The following BPTF variants were observed in gnomAD, a reference collection of about 807,000 sequenced individuals.
BPTF encodes nucleosome-remodeling factor subunit BPTF.
BPTF carries 18 observed loss-of-function variants against 292.5 expected under a neutral mutation model. The ratio of observed to expected loss-of-function variants is 0.06; its 90% CI spans 0.04 to 0.09. The LOEUF is 0.09. Ranked by LOEUF, BPTF falls within the 10% of genes least tolerant of loss-of-function variation. BPTF has a pLI of 1.00. For missense variants in BPTF, 2,726 were observed against 3,498.7 expected, an observed-to-expected ratio of 0.78 and a Z score of 5.57; for synonymous variants, 1,225 against 1,251.9, an observed-to-expected ratio of 0.98 and a Z score of 0.45.
At chr17:67,891,820 C>A (rs371490653) in intron 4 of BPTF, 24 bp from the exon 5 acceptor site, 17 of 1,532,120 alleles carry the variant, frequency 1.1e-5, no homozygotes, top group Non-Finnish European at 1.5e-5. Context: ...TCAGCAATTG[C>A]TTTGTGGCCT....
At position 67,825,789 on chromosome 17, in the gene BPTF, C is replaced by A; in HGVS notation, c.65C>A (p.Pro22Gln). The A allele has an allele frequency of 9.6e-7, 1 of 1,037,264 alleles. No homozygotes were observed. The highest frequency in any genetic ancestry group is 1.2e-6 in the Non-Finnish European group (1 of 865,592). 64.3% of individuals were successfully genotyped at this position (1,037,264 alleles called of 1,614,324 possible). ...PAAPAAERCA[P>Q]APPPPPPPPT... The stretch of plus-strand genomic sequence containing the variant: ...GCTCCCGCTGCGGAGCGCTGCGCCC[C>A]GGCCCCGCCGCCACCGCCGCCGCCG... Residue 22 changes from proline to glutamine, a missense_variant, in exon 1 of 28, where the codon CCG becomes CAG. Pro to Gln is a moderately conservative substitution (Grantham distance 76, BLOSUM62 -1). Transcript: ENST00000306378.
chr17:67,896,043 A>T (rs888611731), intron 7 of BPTF, among the ~76,000 whole-genome samples: 1 of 146,584 alleles, frequency 6.8e-6, no homozygotes, highest in Non-Finnish European at 1.5e-5. Context: ...GGCTCACTGC[A>T]GCTCCGCCTC....
intron 26 of BPTF, among the ~76,000 whole-genome samples, chr17:67,967,487 A>G (rs12938247): frequency 0.88 from 134,029 of 151,898 alleles, 61,570 homozygotes; most frequent in East Asian, 1. Flanking sequence ...CTTAGGATTT[A>G]CATGTGCACA....
chr17:67,958,810 C>CA (rs1388749950), intron 23 of BPTF, among the ~76,000 whole-genome samples: 1 of 148,770 alleles, frequency 6.7e-6, no homozygotes, highest in Middle Eastern at 3.4e-3. Context: ...ACTAAAAATA[C>CA]AAAAAAATTA....
intron 26 of BPTF, among the ~76,000 whole-genome samples, chr17:67,967,995 G>C (rs1555688484): frequency 6.6e-6 from 1 of 151,092 alleles, no homozygotes; most frequent in Non-Finnish European, 1.5e-5. Context: ...TTTTCTGAAG[G>C]AGAGTAAATT....
At chr17:67,866,837 T>C in intron 3 of BPTF, 150 bp downstream of exon 3, 1 of 652,240 alleles carries the variant, frequency 1.5e-6, no homozygotes, top group Non-Finnish European at 2.7e-6. Context: ...AATGTGTCAT[T>C]TGACAATGTC....
Position 67,893,993 on chromosome 17 carries a change from A to G in BPTF, c.2412-41A>G, listed in dbSNP as rs755698091. The G allele has an allele frequency of 8.7e-6, 14 of 1,602,138 alleles. No individual in the cohort carries two copies. In the East Asian group the frequency reaches 2.9e-4, roughly 33 times the overall value. On this transcript the variant is annotated intron_variant, in intron 6 of 27. Transcript: ENST00000306378. ...ACTATTGTGCTTTTAATTTAAGGTC[A>G]ACCTAGTGAAATAATTTCTCTCATT... is the stretch of plus-strand genomic sequence containing the variant.
At position 67,825,697 on chromosome 17, in the gene BPTF, T is replaced by C. The variant is rs1431834063; in HGVS notation, c.-28T>C. The C allele has an allele frequency of 1.1e-6, 1 of 921,198 alleles. No homozygotes were observed. The highest frequency in any genetic ancestry group is 1.3e-6 in the Non-Finnish European group (1 of 762,118). 57.1% of individuals were successfully genotyped at this position (921,198 alleles called of 1,614,324 possible). On this transcript the variant is annotated 5_prime_UTR_variant, in exon 1 of 28. Coordinates refer to ENST00000306378, the MANE Select transcript of BPTF (RefSeq NM_182641.4). ...CTGCGCCCGCCCCTCCCCCTTCGCTTTCCTTCTCCCCCCGCCTCGGCTCCG... is the reference window on the plus strand; with the variant it reads ...CTGCGCCCGCCCCTCCCCCTTCGCTCTCCTTCTCCCCCCGCCTCGGCTCCG...
rs1264156858 is a variant in BPTF at position 67,913,068 on chromosome 17, A to G, written c.5184A>G (p.Leu1728=). The change falls in exon 11 of 28, where the codon TTA becomes TTG. Residue 1728 remains leucine, a synonymous_variant. Transcript: ENST00000306378. The part of the protein sequence containing the change: ...KSIFVLPNDD[L]KKLARKGGIR... ...TTTTTGTTTTGCCTAATGATGACTT[A>G]AAAAAGTTGGCCCGAAAAGGAGGAA... 6.2e-7 allele frequency: 1 copy of G among 1,614,082 alleles called. No individual in the cohort carries two copies. Among genetic ancestry groups the G allele is most frequent in the Non-Finnish European group, 8.5e-7 (1 of 1,180,044 alleles).
chr17:67,978,305 T>TG (rs2069812172), intron 27 of BPTF, among the ~76,000 whole-genome samples: 2 of 46,706 alleles, frequency 4.3e-5, no homozygotes, highest in Non-Finnish European at 1.6e-4. Flanking sequence ...TATATATATA[T>TG]ATATTTTTTT....
chr17:67,887,808 C>G (rs1186954419), intron 4 of BPTF, among the ~76,000 whole-genome samples: 7 of 152,192 alleles, frequency 4.6e-5, no homozygotes, highest in Non-Finnish European at 8.8e-5. Flanking sequence ...TAACCTCATT[C>G]TCTCCCAGTA....
chr17:67,931,560 G>A (rs1471099899), intron 17 of BPTF, among the ~76,000 whole-genome samples: 1 of 152,158 alleles, frequency 6.6e-6, no homozygotes, highest in Admixed American at 6.6e-5. Flanking sequence ...TATTCTGTGG[G>A]TTACAGGTAT....
At chr17:67,964,472 G>C (rs1480847935) in intron 25 of BPTF, 68 bp downstream of exon 25, 1 of 1,488,732 alleles carries the variant, frequency 6.7e-7, no homozygotes, top group African/African-American at 1.4e-5. Context: ...GCATTTCTAG[G>C]ATTTCAAGTT....
chr17:67,973,982 T>G (rs2069099469), intron 26 of BPTF: 1 of 152,194 alleles, frequency 6.6e-6, no homozygotes, highest in Non-Finnish European at 1.5e-5. Flanking sequence ...AGAATATTTT[T>G]TAATGTCTGA....
rs748004955 is a variant in BPTF at position 67,909,578 on chromosome 17, T to C, written c.2813-4T>C. ...GTAAATTATCGTTACATGGTTCTTT[T>C]TAGCCAAAAATAATATGGATGAAAA... is the stretch of plus-strand genomic sequence containing the variant. On this transcript the variant is annotated splice_region_variant and splice_polypyrimidine_tract_variant and intron_variant, in intron 9 of 27. Coordinates refer to ENST00000306378, the MANE Select transcript of BPTF (RefSeq NM_182641.4). The C allele has an allele frequency of 3.2e-5, 49 of 1,531,932 alleles. 1 individual carries two copies. In the Admixed American group the frequency reaches 5.5e-4, roughly 17 times the overall value. 94.9% of individuals were successfully genotyped at this position (1,531,932 alleles called of 1,614,324 possible). A position where few individuals can be genotyped will look rare whatever the true frequency, so the allele number is the denominator to read the frequency against.
intron 9 of BPTF, 28 bp downstream of exon 9, chr17:67,904,868 A>T (rs761471003): frequency 1.3e-6 from 2 of 1,561,364 alleles, no homozygotes; most frequent in Non-Finnish European, 1.7e-6. Flanking sequence ...CATGTCCTGC[A>T]TAATCGTTTC....
At chr17:67,933,086 C>G (rs1437707587) in intron 18 of BPTF, among the ~76,000 whole-genome samples, 1 of 151,878 alleles carries the variant, frequency 6.6e-6, no homozygotes, top group African/African-American at 2.4e-5. Flanking sequence ...AACCCTATCT[C>G]TACTAAAAAT....
intron 9 of BPTF, among the ~76,000 whole-genome samples, chr17:67,905,721 AT>A (rs540263057): frequency 8.4e-4 from 128 of 152,078 alleles, no homozygotes; most frequent in Non-Finnish European, 1.6e-3. Flanking sequence ...AAAAAAAAAA[AT>A]CTTAATTCAG....
chr17:67,853,908 G>C (rs1320665618), intron 1 of BPTF, 32 bp from the exon 2 acceptor site: 1 of 1,535,384 alleles, frequency 6.5e-7, no homozygotes, highest in South Asian at 1.2e-5. Flanking sequence ...GTAATGTATT[G>C]ATTTGTAATG....
Sources: allele counts gnomAD v4.1 joint callset (sites outside exome capture counted in the v4.1 genomes callset), GRCh38; gene constraint gnomAD v4.1.1; transcripts MANE v1.5; gene names NCBI Gene and HGNC (gene_info 2026-07-23, HGNC 2026-07-21).